The following HUWE1 variants were observed in gnomAD, a reference collection of about 807,000 sequenced individuals.
HUWE1 encodes E3 ubiquitin-protein ligase HUWE1.
HUWE1 carries 18 observed loss-of-function variants against 299.4 expected under a neutral mutation model. The ratio of observed to expected loss-of-function variants is 0.06; its 90% CI spans 0.04 to 0.09. The LOEUF (loss-of-function observed/expected upper bound fraction) is 0.09. Among genes scored for constraint, HUWE1 ranks in the 10% least tolerant of loss-of-function variants. The probability of loss-of-function intolerance (pLI) is 1.00; values close to 1 mark genes in which losing one functional copy is unlikely to be tolerated. For missense variants in HUWE1, 1,832 were observed against 3,462.3 expected (o/e 0.53, Z 11.82); for synonymous variants, 1,317 against 1,286.1 (o/e 1.02, Z -0.51).
intron 49 of HUWE1, among the ~76,000 whole-genome samples, chrX:53,567,367 G>A (rs782806044): frequency 5.0e-5 from 1 of 20,183 alleles, no homozygotes; most frequent in Non-Finnish European, 8.5e-5. Context: ...GGCCACATAG[G>A]TCAAAGGTGT....
chrX:53,644,333 AT>A (rs2067822136), intron 7 of HUWE1, among the ~76,000 whole-genome samples: 1 of 112,108 alleles, frequency 8.9e-6, no homozygotes, highest in South Asian at 3.7e-4. Context: ...AATGAGATAA[AT>A]TTTATCGAGT....
rs202214456 is a variant in HUWE1, at chrX:53,554,829, T to C, written c.8298A>G (p.Gln2766=). The C allele has an allele frequency of 7.9e-4, 955 of 1,208,523 alleles. No homozygotes were observed. The highest frequency in any genetic ancestry group is 9.9e-4 in the Non-Finnish European group (886 of 894,361). ...SESKETLGTL[Q]SSQQQPTLPT... ...GGAGTGTTGGTTGCTGTTGTGAGGA[T>C]TGCAGAGTGCCAAGGGTCTCCTTGG... The change falls in exon 61 of 84, where the codon CAA becomes CAG. Residue 2766 remains glutamine (Q), a synonymous_variant. Coordinates refer to ENST00000262854, the MANE Select transcript of HUWE1 (RefSeq NM_031407.7).
intron 4 of HUWE1, among the ~76,000 whole-genome samples, chrX:53,649,050 T>G (rs1037125215): frequency 8.9e-6 from 1 of 111,838 alleles, no homozygotes. Context: ...GAGAAGTGAT[T>G]ATTACACTTG....
intron 3 of HUWE1, among the ~76,000 whole-genome samples, chrX:53,657,404 T>C (rs1357459239): frequency 9.0e-6 from 1 of 111,700 alleles, no homozygotes; most frequent in Non-Finnish European, 1.9e-5. Context: ...CAAAACCCCT[T>C]AATCCCAGCT....
intron 58 of HUWE1, 39 bp from the exon 59 acceptor site, chrX:53,558,848 G>T (rs374741569): frequency 2.5e-6 from 3 of 1,202,870 alleles, no homozygotes; most frequent in Non-Finnish European, 3.4e-6. Flanking sequence ...TGCTCTGGTG[G>T]GGTCAGGGAG....
intron 4 of HUWE1, among the ~76,000 whole-genome samples, chrX:53,651,434 A>G (rs782083260): frequency 9.0e-6 from 1 of 111,447 alleles, no homozygotes; most frequent in Non-Finnish European, 1.9e-5. Flanking sequence ...ATGAATACCA[A>G]AATCTATGCT....
intron 73 of HUWE1, chrX:53,542,765 T>G (rs1556919588): frequency 1.7e-5 from 7 of 413,908 alleles, no homozygotes; most frequent in Non-Finnish European, 3.0e-5. Flanking sequence ...CTTGGATGCT[T>G]ACATTTCCTA....
chrX:53,624,936 G>A (rs1557015715), intron 18 of HUWE1, among the ~76,000 whole-genome samples: 2 of 111,631 alleles, frequency 1.8e-5, no homozygotes, highest in Non-Finnish European at 3.8e-5. Flanking sequence ...GCACAGAGTC[G>A]AAAGCTGGAA....
rs782713207 is a variant in HUWE1 at position 53,546,430 on chromosome X, T to C, written c.10915+6A>G. On this transcript the variant is annotated splice_donor_region_variant and intron_variant, in intron 70 of 83. Coordinates refer to ENST00000262854, the MANE Select transcript of HUWE1 (RefSeq NM_031407.7). ...GAAAGAGAAAATGCTTTACTTCTGC[T>C]ATTACCTATTTGTTTACAAAGGGTA... The C allele has an allele frequency of 2.5e-6, 3 of 1,206,840 alleles. No homozygotes were observed. Among genetic ancestry groups the C allele is most frequent in the Non-Finnish European group, 2.2e-6 (2 of 891,755 alleles).
chrX:53,590,309 G>T (rs970897502), intron 35 of HUWE1, 95 bp downstream of exon 35: 6 of 628,427 alleles, frequency 9.5e-6, no homozygotes, highest in South Asian at 4.4e-5. Context: ...CTTTAGATTT[G>T]AATTCTATCA....
intron 81 of HUWE1, among the ~76,000 whole-genome samples, chrX:53,534,999 C>T (rs782725089): frequency 8.3e-5 from 9 of 108,283 alleles, no homozygotes; most frequent in Admixed American, 2.0e-4. Flanking sequence ...AAGAGTGGTG[C>T]GATCTCAGCT....
At position 53,575,168 on chromosome X, in the gene HUWE1, G is replaced by A; in HGVS notation, c.6084C>T (p.Thr2028=). ...GCAAATCATTACCCTCTCCTTGGGA[G>A]GTCCCAGATGCGGAAGTCTCAGTGG... ...GASTETSASG[T]SQGEASTPEE... Residue 2028 remains threonine, a synonymous_variant, in exon 46 of 84, where the codon ACC becomes ACT. Transcript: ENST00000262854. 1 of 1,201,726 alleles carries A rather than the reference G, an allele frequency of 8.3e-7. No individual in the cohort carries two copies.
At chrX:53,535,972 C>A in intron 80 of HUWE1, 175 bp downstream of exon 80, 1 of 322,551 alleles carries the variant, frequency 3.1e-6, no homozygotes, top group Non-Finnish European at 5.5e-6. Flanking sequence ...AAATGGCCTG[C>A]AAATTCTGGT....
At chrX:53,636,490 G>A (rs1432181888) in intron 7 of HUWE1, among the ~76,000 whole-genome samples, 1 of 112,537 alleles carries the variant, frequency 8.9e-6, no homozygotes, top group African/African-American at 3.2e-5. Context: ...GTGGGAGCCC[G>A]AGGCGGGCAG....
chrX:53,684,446 C>T (rs1363433816), intron 2 of HUWE1, among the ~76,000 whole-genome samples: 7 of 112,232 alleles, frequency 6.2e-5, no homozygotes, highest in African/African-American at 2.3e-4. Flanking sequence ...AGCTGGCTGC[C>T]AAACCTCGCG....
intron 61 of HUWE1, among the ~76,000 whole-genome samples, chrX:53,553,679 G>A (rs1435171080): frequency 4.6e-5 from 5 of 108,635 alleles, no homozygotes; most frequent in African/African-American, 1.3e-4. Flanking sequence ...GCATGGTGGC[G>A]TGCACCTGTA....
rs61757570 is a variant in HUWE1, at chrX:53,589,703, C to A, written c.4305G>T (p.Glu1435Asp). ...FQDADPLEQD[E>D]LHTFTDTMLP... ...ACATAGTATCTGTGAAAGTGTGGAG[C>A]TCATCTTGTTCCAACGGGTCAGCAT... Residue 1435 changes from glutamate (E) to aspartate (D), a missense_variant, in exon 36 of 84, where the codon GAG becomes GAT. This residue lies in a region of HUWE1 where 658 missense variants were observed against 1,282.6 expected (regional missense o/e 0.51). Coordinates refer to ENST00000262854, the MANE Select transcript of HUWE1 (RefSeq NM_031407.7). 2 of 1,209,680 alleles carry A rather than the reference C, an allele frequency of 1.7e-6. No individual in the cohort carries two copies. The highest frequency in any genetic ancestry group is 2.2e-6 in the Non-Finnish European group (2 of 895,135).
intron 75 of HUWE1, 44 bp from the exon 76 acceptor site, chrX:53,539,124 C>G: frequency 1.7e-6 from 2 of 1,162,125 alleles, no homozygotes; most frequent in Non-Finnish European, 2.3e-6. Flanking sequence ...ACTCTGCAAA[C>G]TTCAACATGC....
chrX:53,587,351 A>C (rs1415957989), intron 37 of HUWE1, among the ~76,000 whole-genome samples: 3 of 112,535 alleles, frequency 2.7e-5, no homozygotes, highest in African/African-American at 9.7e-5. Context: ...GCTACACCAA[A>C]GTGTTACTTT....
Sources: gnomAD v4.1 joint callset for allele counts (sites outside exome capture counted in the v4.1 genomes callset) on GRCh38, gnomAD v4.1.1 for gene constraint, gnomAD v4.1.1 regional missense constraint, MANE v1.5 for transcripts, NCBI Gene and HGNC (gene_info 2026-07-23, HGNC 2026-07-21) for gene names.